EPB41L2: variants seen among roughly 807,000 people sequenced by gnomAD.
EPB41L2 encodes erythrocyte membrane protein band 4.1 like 2.
EPB41L2 carries 43 observed loss-of-function variants against 113.0 expected under a neutral mutation model. That is an observed-to-expected ratio of 0.38 (90% CI 0.30 to 0.49). The LOEUF (loss-of-function observed/expected upper bound fraction) is 0.49, where lower values mean the gene tolerates loss of function less well. Ranked by LOEUF, EPB41L2 falls within the 20% of genes least tolerant of loss-of-function variation. The pLI, the probability that EPB41L2 is intolerant of heterozygous loss-of-function variation, is 0.95. For synonymous variants in EPB41L2, 442 were observed against 436.7 expected (o/e 1.01, Z -0.15); for missense variants, 1,147 against 1,223.4 (o/e 0.94, Z 0.93).
At chr6:130,930,742 A>T (rs768922155) in intron 3 of EPB41L2, among the ~76,000 whole-genome samples, 3 of 152,020 alleles carry the variant, frequency 2.0e-5, no homozygotes, top group Non-Finnish European at 4.4e-5. Context: ...ACCAGACACC[A>T]TTATTGAGAG....
At chr6:130,973,621 T>C (rs1003679543) in intron 1 of EPB41L2, among the ~76,000 whole-genome samples, 13 of 152,176 alleles carry the variant, frequency 8.5e-5, no homozygotes, top group African/African-American at 3.1e-4. Flanking sequence ...TTCCTTTCTA[T>C]TCAAAGTCAC....
chr6:130,918,839 T>G (rs553449457), intron 4 of EPB41L2, among the ~76,000 whole-genome samples: 32 of 152,304 alleles, frequency 2.1e-4, no homozygotes, highest in African/African-American at 7.5e-4. Flanking sequence ...CATCATTATA[T>G]TCTGTTGTTA....
intron 19 of EPB41L2, 81 bp from the exon 20 acceptor site, chr6:130,840,679 C>G (rs564224612): frequency 1.6e-4 from 24 of 148,366 alleles, no homozygotes; most frequent in African/African-American, 5.7e-4. Context: ...AAGTAACATT[C>G]ATCAAGTTTT....
At chr6:130,873,587 T>C (rs1786489842) in intron 14 of EPB41L2, among the ~76,000 whole-genome samples, 1 of 151,722 alleles carries the variant, frequency 6.6e-6, no homozygotes, top group Non-Finnish European at 1.5e-5. Flanking sequence ...TGCCTCAGCC[T>C]CCCCAGTAGC....
At chr6:130,901,951 C>T (rs1185298766) in intron 6 of EPB41L2, among the ~76,000 whole-genome samples, 1 of 152,200 alleles carries the variant, frequency 6.6e-6, no homozygotes, top group African/African-American at 2.4e-5. Flanking sequence ...TTCCATGTGG[C>T]TCACTACGGT....
intron 1 of EPB41L2, among the ~76,000 whole-genome samples, chr6:130,959,032 C>T (rs1490971373): frequency 1.3e-5 from 2 of 152,156 alleles, no homozygotes; most frequent in South Asian, 2.1e-4. Flanking sequence ...ATATATACTA[C>T]AGCAGAAACA....
At chr6:130,997,409 A>G (rs1353271161) in intron 1 of EPB41L2, among the ~76,000 whole-genome samples, 1 of 152,192 alleles carries the variant, frequency 6.6e-6, no homozygotes, top group Non-Finnish European at 1.5e-5. Context: ...AAGGTAGTCA[A>G]AAAGCATCAA....
intron 13 of EPB41L2, 152 bp from the exon 14 acceptor site, chr6:130,878,402 A>G (rs1254671698): frequency 3.9e-6 from 3 of 763,404 alleles, no homozygotes; most frequent in Non-Finnish European, 2.0e-6. Context: ...CTAAAGCCAT[A>G]TTATTATCTA....
chr6:130,872,655 G>C, intron 14 of EPB41L2: 2 of 657,964 alleles, frequency 3.0e-6, no homozygotes, highest in Non-Finnish European at 4.2e-6. Flanking sequence ...AGCATAAAAT[G>C]AAAGAAAAGA....
At chr6:131,024,235 G>A (rs1462274255) in intron 1 of EPB41L2, among the ~76,000 whole-genome samples, 2 of 151,816 alleles carry the variant, frequency 1.3e-5, no homozygotes, top group Admixed American at 6.6e-5. Context: ...GGCAGAGGGA[G>A]GAACAAATAT....
intron 11 of EPB41L2, among the ~76,000 whole-genome samples, chr6:130,886,561 CAT>C (rs1450989106): frequency 1.3e-5 from 2 of 152,162 alleles, no homozygotes; most frequent in African/African-American, 2.4e-5. Context: ...CATATCAAAT[CAT>C]AGTCAACATT....
In EPB41L2 at chr6:130,955,099, T is replaced by G; in HGVS notation, c.705+6A>C. ...AAGCTAGCTCTCACTCAGCTCCCTA[T>G]CTCACCTCCAGGTCACAGCTGTATT... On this transcript the variant is annotated splice_donor_region_variant and intron_variant, in intron 3 of 19. Coordinates refer to ENST00000337057, the MANE Select transcript of EPB41L2 (RefSeq NM_001431.4). 2.5e-6 allele frequency: 4 copies of G among 1,613,540 alleles called. No homozygotes were observed. The highest frequency in any genetic ancestry group is 3.4e-6 in the Non-Finnish European group (4 of 1,179,466).
chr6:130,900,713 T>G (rs1796044187), intron 7 of EPB41L2, among the ~76,000 whole-genome samples: 2 of 152,192 alleles, frequency 1.3e-5, no homozygotes. Context: ...GAAGGTGTCA[T>G]GGGGAAAAGT....
At chr6:130,981,572 G>C (rs909291243) in intron 1 of EPB41L2, among the ~76,000 whole-genome samples, 1 of 152,166 alleles carries the variant, frequency 6.6e-6, no homozygotes, top group Non-Finnish European at 1.5e-5. Flanking sequence ...AAGACATTCT[G>C]ACAGTGCACA....
chr6:130,894,960 G>C lies in EPB41L2; in HGVS notation c.1389+7C>G. 6.2e-7 allele frequency: 1 copy of C among 1,611,282 alleles called. No individual in the cohort carries two copies. On this transcript the variant is annotated splice_region_variant and intron_variant, in intron 9 of 19. Coordinates refer to ENST00000337057, the MANE Select transcript of EPB41L2 (RefSeq NM_001431.4). ...AACAACAACTGATTAGAAATGTCTT[G>C]GCTTACCTCTGCCGGTCTGACTTTA...
chr6:130,849,543 T>C (rs1166385484), intron 19 of EPB41L2, among the ~76,000 whole-genome samples: 1 of 152,166 alleles, frequency 6.6e-6, no homozygotes, highest in Non-Finnish European at 1.5e-5. Flanking sequence ...ATAATTTAAA[T>C]GCCCATTAGT....
intron 1 of EPB41L2, among the ~76,000 whole-genome samples, chr6:131,048,092 C>T (rs1453385066): frequency 7.1e-6 from 1 of 141,340 alleles, no homozygotes; most frequent in Non-Finnish European, 1.5e-5. Context: ...GAGCCGAGAT[C>T]GCGCCACTGT....
intron 3 of EPB41L2, among the ~76,000 whole-genome samples, chr6:130,952,803 C>G (rs1721297894): frequency 7.0e-6 from 1 of 143,796 alleles, no homozygotes; most frequent in African/African-American, 2.5e-5. Context: ...GAGCAAGACT[C>G]CATCTCAAAA....
intron 4 of EPB41L2, among the ~76,000 whole-genome samples, chr6:130,917,512 G>T (rs1562482278): frequency 6.6e-6 from 1 of 152,100 alleles, no homozygotes; most frequent in Non-Finnish European, 1.5e-5. Flanking sequence ...AATCCTGTTA[G>T]CTTGGTTTAA....
Sources: gnomAD v4.1 joint callset for allele counts (sites outside exome capture counted in the v4.1 genomes callset) on GRCh38, gnomAD v4.1.1 for gene constraint, MANE v1.5 for transcripts, NCBI Gene and HGNC (gene_info 2026-07-23, HGNC 2026-07-21) for gene names.